PCED1B: variants seen among roughly 807,000 people sequenced by gnomAD.
PCED1B encodes PC-esterase domain-containing protein 1B.
For missense variants in PCED1B, 573 were observed against 573.9 expected, an observed-to-expected ratio of 1.00 and a Z score of 0.02; for synonymous variants, 251 against 246.1, an observed-to-expected ratio of 1.02 and a Z score of -0.19.
Position 47,137,849 on chromosome 12 carries a change from C to T in PCED1B, c.-526+33654C>T, listed in dbSNP as rs188173095. On this transcript the variant is annotated intron_variant, in intron 2 of 3. Coordinates refer to ENST00000546455, the MANE Select transcript of PCED1B (RefSeq NM_138371.3). ...GCTTAGGTAGTCCCAAAATCTACAT[C>T]GCTTCCAGAGATGTTTACATTGAAG... is the stretch of plus-strand genomic sequence containing the variant. Among the ~76,000 whole-genome samples, 5 of 151,824 alleles carry T rather than the reference C, an allele frequency of 3.3e-5. No homozygotes were observed. In the South Asian group the frequency reaches 8.3e-4, roughly 25 times the overall value.
intron 3 of PCED1B, among the ~76,000 whole-genome samples, chr12:47,230,812 A>G (rs1943784130): frequency 6.6e-6 from 1 of 152,200 alleles, no homozygotes; most frequent in Non-Finnish European, 1.5e-5. Context: ...GCTCTCAAAA[A>G]GTTTTGGGTT....
At chr12:47,222,280 G>A (rs1032960924) in intron 3 of PCED1B, among the ~76,000 whole-genome samples, 43 of 151,852 alleles carry the variant, frequency 2.8e-4, no homozygotes, top group African/African-American at 9.9e-4. Context: ...AAATTAGCCG[G>A]GCGTGGTAGC....
chr12:47,081,276 A>G (rs1157372539), intron 1 of PCED1B, among the ~76,000 whole-genome samples: 1 of 152,118 alleles, frequency 6.6e-6, no homozygotes, highest in African/African-American at 2.4e-5. Flanking sequence ...TAAAAATAAA[A>G]ATGATGAGGA....
At chr12:47,153,355 C>CAAAAAAA (rs11299918) in intron 2 of PCED1B, among the ~76,000 whole-genome samples, 96 of 95,226 alleles carry the variant, frequency 1.0e-3, no homozygotes, top group Non-Finnish European at 1.5e-3. Context: ...GACTCCTTCT[C>CAAAAAAA]AAAAAAAAAA....
chr12:47,112,878 A>G (rs1374545794), intron 2 of PCED1B, among the ~76,000 whole-genome samples: 2 of 152,214 alleles, frequency 1.3e-5, no homozygotes, highest in African/African-American at 4.8e-5. Flanking sequence ...CTCAGCCTGC[A>G]GAGAGCGGTA....
chr12:47,231,350 G>A (rs566742068), intron 3 of PCED1B, among the ~76,000 whole-genome samples: 1 of 152,180 alleles, frequency 6.6e-6, no homozygotes, highest in Non-Finnish European at 1.5e-5. Context: ...GGACAAAGGG[G>A]TATAAGCTGG....
chr12:47,148,718 C>T (rs1940882938), intron 2 of PCED1B, among the ~76,000 whole-genome samples: 1 of 152,170 alleles, frequency 6.6e-6, no homozygotes, highest in African/African-American at 2.4e-5. Context: ...GGAAAGCCTT[C>T]TACTCTAGGA....
At position 47,156,386 on chromosome 12, in the gene PCED1B, T is replaced by G. The variant is rs200437391; in HGVS notation, c.-526+52191T>G. Among the ~76,000 whole-genome samples, 59 of 152,294 alleles carry G rather than the reference T, an allele frequency of 3.9e-4. 2 individuals are homozygous for G. The East Asian group carries it at 0.011, about 27-fold the overall frequency. On this transcript the variant is annotated intron_variant, in intron 2 of 3. Transcript: ENST00000546455. The stretch of plus-strand genomic sequence containing the variant: ...TTTTTCTTACCAAGCACTGCAAAGC[T>G]GATAGAAAGATTTTCATTTTGCACG...
At chr12:47,139,188 C>T (rs1385893883) in intron 2 of PCED1B, among the ~76,000 whole-genome samples, 1 of 152,082 alleles carries the variant, frequency 6.6e-6, no homozygotes, top group African/African-American at 2.4e-5. Context: ...AGACAAGTTA[C>T]TTCTCTTTTT....
intron 3 of PCED1B, among the ~76,000 whole-genome samples, chr12:47,222,346 T>C (rs214707): frequency 0.67 from 98,153 of 147,100 alleles, 32,593 homozygotes; most frequent in South Asian, 0.74. Context: ...CGCTTGAACC[T>C]GGGAGGCAGA....
At chr12:47,210,878 A>G (rs1264521244) in intron 2 of PCED1B, 1 of 152,188 alleles carries the variant, frequency 6.6e-6, no homozygotes, top group African/African-American at 2.4e-5. Context: ...CTGTAACAAT[A>G]TTTTTGTAAG....
chr12:47,153,081 G>A (rs1189302068), intron 2 of PCED1B, among the ~76,000 whole-genome samples: 8 of 152,130 alleles, frequency 5.3e-5, no homozygotes, highest in Admixed American at 2.6e-4. Flanking sequence ...CGGGCACAGT[G>A]GCTCACGCCT....
At chr12:47,157,552 C>T (rs987460334) in intron 2 of PCED1B, among the ~76,000 whole-genome samples, 6 of 152,040 alleles carry the variant, frequency 3.9e-5, no homozygotes, top group East Asian at 3.9e-4. Flanking sequence ...TCAGCCTAGG[C>T]GACAGAGCAA....
chr12:47,107,774 C>T (rs1939021339), intron 2 of PCED1B, among the ~76,000 whole-genome samples: 2 of 152,162 alleles, frequency 1.3e-5, no homozygotes, highest in African/African-American at 4.8e-5. Context: ...TAGCCAGTTC[C>T]ACAACAGATA....
chr12:47,194,070 T>G (rs960457653), intron 2 of PCED1B, among the ~76,000 whole-genome samples: 2 of 152,242 alleles, frequency 1.3e-5, no homozygotes, highest in Non-Finnish European at 2.9e-5. Context: ...TGAGACCTCC[T>G]TGCAGGAGTG....
intron 2 of PCED1B, among the ~76,000 whole-genome samples, chr12:47,166,361 T>C (rs1160471824): frequency 6.6e-6 from 1 of 152,222 alleles, no homozygotes; most frequent in Non-Finnish European, 1.5e-5. Context: ...TCTATATGGA[T>C]TGGAGTTGAG....
chr12:47,231,166 T>C (rs1943793867), intron 3 of PCED1B, among the ~76,000 whole-genome samples: 1 of 152,180 alleles, frequency 6.6e-6, no homozygotes, highest in South Asian at 2.1e-4. Context: ...TCGGGTGGGC[T>C]TGGAACCAAA....
chr12:47,153,820 T>C (rs973260952), intron 2 of PCED1B, among the ~76,000 whole-genome samples: 2 of 152,218 alleles, frequency 1.3e-5, no homozygotes, highest in African/African-American at 4.8e-5. Flanking sequence ...TCCTATTTCC[T>C]TCTCCATGAA....
chr12:47,139,702 G>C (rs61927693), intron 2 of PCED1B, among the ~76,000 whole-genome samples: 9,565 of 152,132 alleles, frequency 0.063, 498 homozygotes, highest in African/African-American at 0.14. Flanking sequence ...CTTGTGTGGT[G>C]TATGTGCATA....
Sources: gnomAD v4.1 joint callset for allele counts (sites outside exome capture counted in the v4.1 genomes callset) on GRCh38, gnomAD v4.1.1 for gene constraint, MANE v1.5 for transcripts, NCBI Gene and HGNC (gene_info 2026-07-23, HGNC 2026-07-21) for gene names.